Variants in WWOX observed in about 807,000 individuals in gnomAD.
WWOX encodes the protein WW domain-containing oxidoreductase.
A neutral mutation model predicts 46.2 loss-of-function variants in WWOX; 69 were observed. The observed-to-expected ratio is 1.49, with a 90% CI of 1.23 to 1.82. WWOX has a LOEUF of 1.82. Ranked by LOEUF, WWOX falls within the 40% of genes most tolerant of loss-of-function variation. The probability of loss-of-function intolerance (pLI) is 0.00; values close to 1 mark genes in which losing one functional copy is unlikely to be tolerated. For synonymous variants in WWOX, 359 were observed against 202.6 expected (o/e 1.77, Z -6.56); for missense variants, 919 against 542.6 (o/e 1.69, Z -6.89).
chr16:78,121,913 A>C (rs966004169), intron 4 of WWOX, among the ~76,000 whole-genome samples: 1 of 152,094 alleles, frequency 6.6e-6, no homozygotes, highest in African/African-American at 2.4e-5. Context: ...TGCTTGCCTC[A>C]ACCTCCCCAA....
chr16:78,483,759 T>C (rs1015480613), intron 8 of WWOX, among the ~76,000 whole-genome samples: 2 of 152,114 alleles, frequency 1.3e-5, no homozygotes, highest in Non-Finnish European at 2.9e-5. Flanking sequence ...TGATAAAATA[T>C]CACACCTTTG....
chr16:78,394,531 T>C (rs1567546584), intron 6 of WWOX, among the ~76,000 whole-genome samples: 1 of 152,198 alleles, frequency 6.6e-6, no homozygotes, highest in Non-Finnish European at 1.5e-5. Context: ...TCTTTTTATA[T>C]AATACTTAGA....
chr16:78,768,352 G>C (rs576043590), intron 8 of WWOX, among the ~76,000 whole-genome samples: 6 of 149,322 alleles, frequency 4.0e-5, no homozygotes, highest in African/African-American at 1.5e-4. Flanking sequence ...CACTTTGGGA[G>C]GCTGAGGTGG....
intron 8 of WWOX, among the ~76,000 whole-genome samples, chr16:78,635,354 C>G (rs1398291017): frequency 1.3e-5 from 2 of 152,162 alleles, no homozygotes; most frequent in South Asian, 2.1e-4. Context: ...ATCTAGGCCA[C>G]TCCCTTAGAT....
At chr16:78,236,322 T>C (rs926686240) in intron 5 of WWOX, among the ~76,000 whole-genome samples, 1 of 152,232 alleles carries the variant, frequency 6.6e-6, no homozygotes, top group East Asian at 1.9e-4. Context: ...TTATACATAC[T>C]TACAAAGGAT....
intron 5 of WWOX, among the ~76,000 whole-genome samples, chr16:78,369,165 C>G (rs141901751): frequency 8.7e-4 from 133 of 152,068 alleles, no homozygotes; most frequent in Non-Finnish European, 1.1e-3. Flanking sequence ...AGCATCATAG[C>G]TAATGTATGC....
chr16:78,956,976 G>A (rs1405343682), intron 8 of WWOX, among the ~76,000 whole-genome samples: 2 of 152,120 alleles, frequency 1.3e-5, no homozygotes, highest in East Asian at 3.9e-4. Flanking sequence ...GGGTATCTTC[G>A]GTGAGAACAA....
chr16:79,162,209 A>T (rs1024421770), intron 8 of WWOX, among the ~76,000 whole-genome samples: 5 of 152,090 alleles, frequency 3.3e-5, no homozygotes, highest in Non-Finnish European at 7.4e-5. Context: ...GGTTGATGAG[A>T]TGCTGGTATG....
rs113820050 is a variant in WWOX at position 78,854,397 on chromosome 16, A to T, written c.1057-357211A>T. ...AATGTTTGAAATTATCATGAAACAC[A>T]TTCTAATTTGGCAGTGAGTTCAGGA... On this transcript the variant is annotated intron_variant, in intron 8 of 8. Coordinates refer to ENST00000566780, the MANE Select transcript of WWOX (RefSeq NM_016373.4). 1.8e-4 allele frequency among the ~76,000 whole-genome samples: 27 copies of T among 152,360 alleles called. 1 individual carries two copies. The highest frequency in any genetic ancestry group is 5.8e-4 in the African/African-American group (24 of 41,600).
At chr16:78,981,339 C>G (rs1051499956) in intron 8 of WWOX, among the ~76,000 whole-genome samples, 1 of 152,116 alleles carries the variant, frequency 6.6e-6, no homozygotes, top group Admixed American at 6.5e-5. Flanking sequence ...GGGGAAAACG[C>G]CAGCAGATCT....
At chr16:78,106,257 G>A (rs1597204150) in intron 1 of WWOX, among the ~76,000 whole-genome samples, 1 of 152,196 alleles carries the variant, frequency 6.6e-6, no homozygotes, top group South Asian at 2.1e-4. Flanking sequence ...AGCTCTGCAA[G>A]GGGCTGGAAG....
At chr16:78,560,289 C>T (rs973971089) in intron 8 of WWOX, among the ~76,000 whole-genome samples, 1 of 152,078 alleles carries the variant, frequency 6.6e-6, no homozygotes, top group Non-Finnish European at 1.5e-5. Context: ...CAGAGAAAAA[C>T]AATTACACTA....
In WWOX at chr16:78,958,548, C is replaced by G. The variant is rs2046214368; in HGVS notation, c.1057-253060C>G. Among the ~76,000 whole-genome samples, 5 of 152,180 alleles carry G rather than the reference C, an allele frequency of 3.3e-5. No homozygotes were observed. In the South Asian group the frequency reaches 1.0e-3, roughly 31 times the overall value. ...TTGCCAATTTGGGAAGTTATGGTGC[C>G]TTGCAGTTTCCAAAGTAAGCTGAAC... On this transcript the variant is annotated intron_variant, in intron 8 of 8. Transcript: ENST00000566780.
At chr16:78,666,219 C>G (rs2047329814) in intron 8 of WWOX, among the ~76,000 whole-genome samples, 1 of 152,046 alleles carries the variant, frequency 6.6e-6, no homozygotes, top group Non-Finnish European at 1.5e-5. Context: ...CCCGGGAGGT[C>G]AAGGCTGTAT....
rs117362788 is a variant in WWOX, at chr16:78,349,429, A to G, written c.517-37431A>G. Among the ~76,000 whole-genome samples the G allele has an allele frequency of 4.5e-4, 54 of 120,952 alleles. 4 individuals are homozygous for G. In the East Asian group the frequency reaches 8.3e-3, roughly 19 times the overall value. 79.3% of individuals were successfully genotyped at this position (120,952 alleles called of 152,430 possible). On this transcript the variant is annotated intron_variant, in intron 5 of 8. Transcript: ENST00000566780. ...GAGGCTATAACGAATACCACTGCCT[A>G]ATGTTTGCACGGGGATATCATGCTT...
intron 8 of WWOX, among the ~76,000 whole-genome samples, chr16:78,700,586 G>A (rs369136082): frequency 6.6e-6 from 1 of 152,184 alleles, no homozygotes; most frequent in South Asian, 2.1e-4. Flanking sequence ...AACCCACCAG[G>A]TCCAAGGAAG....
At position 78,991,759 on chromosome 16, in the gene WWOX, G is replaced by A. The variant is rs144903740; in HGVS notation, c.1057-219849G>A. On this transcript the variant is annotated intron_variant, in intron 8 of 8. Coordinates refer to ENST00000566780, the MANE Select transcript of WWOX (RefSeq NM_016373.4). ...ATGTTAAGATGAAACAGGAAGGTGA[G>A]GGGCTTAACACATTTCCGTGTTCCC... 5.2e-4 allele frequency among the ~76,000 whole-genome samples: 79 copies of A among 152,204 alleles called. No homozygotes were observed. In the Middle Eastern group the frequency reaches 0.017, roughly 33 times the overall value.
intron 8 of WWOX, among the ~76,000 whole-genome samples, chr16:78,841,015 C>A (rs1340026743): frequency 6.6e-6 from 1 of 152,040 alleles, no homozygotes; most frequent in Non-Finnish European, 1.5e-5. Context: ...CGGGTCCATC[C>A]TGTGATGCCA....
chr16:78,543,979 A>C (rs992579201), intron 8 of WWOX, among the ~76,000 whole-genome samples: 25 of 152,192 alleles, frequency 1.6e-4, no homozygotes, highest in African/African-American at 6.0e-4. Context: ...TACTGTGATT[A>C]AAGAGAATTT....
Sources: gnomAD v4.1 joint callset for allele counts (sites outside exome capture counted in the v4.1 genomes callset) on GRCh38, gnomAD v4.1.1 for gene constraint, MANE v1.5 for transcripts, NCBI Gene and HGNC (gene_info 2026-07-23, HGNC 2026-07-21) for gene names.